Variants in PDE1A observed in about 807,000 individuals in gnomAD.
PDE1A encodes dual specificity calcium/calmodulin-dependent 3',5'-cyclic nucleotide phosphodiesterase 1A.
Under a neutral mutation model 61.7 loss-of-function variants are expected in PDE1A, and 35 were observed. The ratio of observed to expected loss-of-function variants is 0.57; its 90% CI spans 0.43 to 0.75. PDE1A has a LOEUF of 0.75. Among genes scored for constraint, PDE1A ranks in the 30% least tolerant of loss-of-function variants. The pLI is 0.00. For missense variants in PDE1A, 597 were observed against 630.6 expected (o/e 0.95, Z 0.57); for synonymous variants, 232 against 213.2 (o/e 1.09, Z -0.77).
chr2:182,240,183 T>C, exon 3 of PDE1A: 1 of 1,614,016 alleles, frequency 6.2e-7, no homozygotes, highest in South Asian at 1.1e-5. Context: ...GGTTTCTTTT[T>C]TGTCATCCCC....
At chr2:182,519,925 C>T (rs1489123808) in intron 2 of PDE1A, among the ~76,000 whole-genome samples, 1 of 151,748 alleles carries the variant, frequency 6.6e-6, no homozygotes, top group African/African-American at 2.4e-5. Flanking sequence ...TTATAAAGTA[C>T]AAGATTTTAA....
intron 2 of PDE1A, chr2:182,241,681 G>C (rs1166543501): frequency 1.2e-5 from 7 of 574,142 alleles, no homozygotes; most frequent in Non-Finnish European, 2.0e-5. Flanking sequence ...AAATAAGCAT[G>C]AATGTATTTA....
the PDE1A span, among the ~76,000 whole-genome samples, chr2:182,578,284 T>G: frequency 6.6e-6 from 1 of 152,184 alleles, no homozygotes; most frequent in Non-Finnish European, 1.5e-5. Flanking sequence ...CATCTGAGTT[T>G]CTTACAAAGC....
rs2125913167 is a variant in PDE1A at position 182,499,582 on chromosome 2, A to C, written c.101+22694T>G. Among the ~76,000 whole-genome samples, 3 of 152,282 alleles carry C rather than the reference A, an allele frequency of 2.0e-5. No homozygotes were observed. In the South Asian group the frequency reaches 6.2e-4, roughly 32 times the overall value. On this transcript the variant is annotated intron_variant, in intron 2 of 14. Transcript: ENST00000410103. ...AAATAAGAAAAATTCCTGGCTTATGAGGGTTGGGAAGAACATCACACAAAA... is the reference window on the plus strand; with the variant it reads ...AAATAAGAAAAATTCCTGGCTTATGCGGGTTGGGAAGAACATCACACAAAA...
chr2:182,262,991 G>GTGTGTGTA (rs1559268229), intron 2 of PDE1A, among the ~76,000 whole-genome samples: 1 of 145,976 alleles, frequency 6.9e-6, no homozygotes, highest in East Asian at 2.1e-4. Flanking sequence ...GTGTGTGTGT[G>GTGTGTGTA]TATCTGCGTG....
At chr2:182,682,030 T>C in the PDE1A span, among the ~76,000 whole-genome samples, 81 of 152,230 alleles carry the variant, frequency 5.3e-4, no homozygotes, top group Non-Finnish European at 8.7e-4. Flanking sequence ...CCATTTCTTC[T>C]ATTTCTTGAG....
intron 11 of PDE1A, 150 bp downstream of exon 11, chr2:182,188,829 A>G (rs754178103): frequency 3.3e-5 from 18 of 537,686 alleles, no homozygotes; most frequent in South Asian, 1.0e-4. Context: ...AGTCTTATTC[A>G]GCACCACATA....
At chr2:182,297,096 T>C (rs370466225) in intron 1 of PDE1A, among the ~76,000 whole-genome samples, 61 of 152,314 alleles carry the variant, frequency 4.0e-4, no homozygotes, top group African/African-American at 1.5e-3. Context: ...ATAATAAATC[T>C]CTTCCTAAAT....
chr2:182,151,604 A>G lies in PDE1A; in HGVS notation c.1517-4452T>C, dbSNP rs1216598276. 2.6e-5 allele frequency among the ~76,000 whole-genome samples: 4 copies of G among 152,320 alleles called. No individual in the cohort carries two copies. The South Asian group carries it at 8.3e-4, about 32-fold the overall frequency. Reference sequence around the variant, plus strand: ...TACCCTCACCAATTCTGCTGTATTCATATGCCACCTGTCCTCTCGCTTACC... The same window carrying G: ...TACCCTCACCAATTCTGCTGTATTCGTATGCCACCTGTCCTCTCGCTTACC... On this transcript the variant is annotated intron_variant, in intron 13 of 13. Coordinates refer to the PDE1A transcript ENST00000409365.
the PDE1A span, among the ~76,000 whole-genome samples, chr2:182,599,509 A>C: frequency 2.0e-5 from 3 of 152,116 alleles, no homozygotes; most frequent in Admixed American, 1.3e-4. Context: ...CATACATCCC[A>C]CCTCTCAATG....
chr2:182,583,136 C>T, the PDE1A span, among the ~76,000 whole-genome samples: 115 of 152,202 alleles, frequency 7.6e-4, no homozygotes, highest in African/African-American at 2.6e-3. Context: ...CATCTCCTTC[C>T]AGTGGTAAAA....
intron 2 of PDE1A, among the ~76,000 whole-genome samples, chr2:182,516,180 C>A (rs1690137316): frequency 6.6e-6 from 1 of 152,246 alleles, no homozygotes; most frequent in South Asian, 2.1e-4. Flanking sequence ...CTAGTATCAG[C>A]AGGACTGTAT....
chr2:182,396,152 GC>G (rs1701692582), intron 1 of PDE1A, among the ~76,000 whole-genome samples: 3 of 152,328 alleles, frequency 2.0e-5, no homozygotes, highest in Admixed American at 2.0e-4. Context: ...CTCATGTGGA[GC>G]TGACAGAGGA....
At chr2:182,430,144 G>T (rs1385714214), upstream of PDE1A, among the ~76,000 whole-genome samples, 2 of 151,690 alleles carry the variant, frequency 1.3e-5, no homozygotes, top group Non-Finnish European at 2.9e-5. Flanking sequence ...CACAGCAAAA[G>T]AAACTACCAT....
At chr2:182,369,805 C>T (rs1232221368) in intron 1 of PDE1A, among the ~76,000 whole-genome samples, 1 of 152,046 alleles carries the variant, frequency 6.6e-6, no homozygotes. Context: ...GCATCAAAAC[C>T]AAGTGTAGTG....
chr2:182,317,411 T>G (rs907188905), intron 1 of PDE1A, among the ~76,000 whole-genome samples: 2 of 152,144 alleles, frequency 1.3e-5, no homozygotes. Flanking sequence ...GAACACCTAC[T>G]ATGCACCAAG....
chr2:182,713,513 C>A, the PDE1A span, among the ~76,000 whole-genome samples: 1 of 152,140 alleles, frequency 6.6e-6, no homozygotes, highest in African/African-American at 2.4e-5. Flanking sequence ...TGCCTGTAAT[C>A]CCCACTACTT....
intron 1 of PDE1A, among the ~76,000 whole-genome samples, chr2:182,349,752 C>A (rs1017976071): frequency 1.3e-5 from 2 of 152,058 alleles, no homozygotes; most frequent in African/African-American, 2.4e-5. Flanking sequence ...GAGTGAGACT[C>A]CATCTCAAAA....
chr2:182,666,007 G>A, the PDE1A span, among the ~76,000 whole-genome samples: 1 of 152,130 alleles, frequency 6.6e-6, no homozygotes, highest in Non-Finnish European at 1.5e-5. Context: ...ATAAATAGGA[G>A]CTGAACAATA....
Sources: allele counts gnomAD v4.1 joint callset (sites outside exome capture counted in the v4.1 genomes callset), GRCh38; gene constraint gnomAD v4.1.1; transcripts MANE v1.5; gene names NCBI Gene and HGNC (gene_info 2026-07-23, HGNC 2026-07-21).